Variants in BANP observed in about 807,000 individuals in gnomAD.
The protein encoded by BANP is BTG3 associated nuclear protein.
Under a neutral mutation model 68.1 loss-of-function variants are expected in BANP, and 11 were observed. The observed-to-expected ratio is 0.16, with a 90% CI of 0.10 to 0.27. The LOEUF is 0.27. Among genes scored for constraint, BANP ranks in the 10% least tolerant of loss-of-function variants. BANP has a pLI of 1.00. For missense variants in BANP, 504 were observed against 722.7 expected (o/e 0.70, Z 3.47); for synonymous variants, 329 against 303.2 (o/e 1.09, Z -0.88).
At chr16:88,060,540 G>A (rs143455539) in intron 11 of BANP, among the ~76,000 whole-genome samples, 5 of 152,338 alleles carry the variant, frequency 3.3e-5, no homozygotes, top group East Asian at 1.9e-4. Context: ...GGATTCAAAC[G>A]TATTTTTTGT....
rs544280128 is a variant in BANP, at chr16:87,993,293, C to T, written c.362+9034C>T. On this transcript the variant is annotated intron_variant, in intron 4 of 13. Coordinates refer to ENST00000682872, the MANE Select transcript of BANP (RefSeq NM_001386991.1). ...GAAGGAAGCTGCTATGCCCATCACCCAGTTAAGGAGTGGGGAGTTGTGTGC... is the reference window on the plus strand; with the variant it reads ...GAAGGAAGCTGCTATGCCCATCACCTAGTTAAGGAGTGGGGAGTTGTGTGC... Among the ~76,000 whole-genome samples the T allele has an allele frequency of 3.3e-5, 5 of 152,344 alleles. No individual in the cohort carries two copies. In the East Asian group the frequency reaches 7.7e-4, roughly 23 times the overall value.
At chr16:88,058,730 A>G in intron 11 of BANP, among the ~76,000 whole-genome samples, 1 of 83,484 alleles carries the variant, frequency 1.2e-5, no homozygotes, top group Admixed American at 1.2e-4. Context: ...TGTAATTAAG[A>G]AGCAACTCGG....
intron 13 of BANP, among the ~76,000 whole-genome samples, chr16:88,074,345 G>A (rs1289237390): frequency 1.3e-5 from 2 of 152,204 alleles, no homozygotes; most frequent in Non-Finnish European, 2.9e-5. Flanking sequence ...GTTCCCTTAG[G>A]AGGGAAGGCA....
chr16:87,998,963 C>T (rs1217464347), intron 4 of BANP, among the ~76,000 whole-genome samples: 1 of 17,012 alleles, frequency 5.9e-5, no homozygotes, highest in African/African-American at 2.1e-4. Flanking sequence ...CTTCCAGACA[C>T]GTCTCTATGC....
At chr16:88,050,221 A>T (rs1027035506) in intron 11 of BANP, among the ~76,000 whole-genome samples, 1 of 151,982 alleles carries the variant, frequency 6.6e-6, no homozygotes, top group Non-Finnish European at 1.5e-5. Flanking sequence ...CAGTGGTGTG[A>T]TCTTGGCTTA....
At chr16:88,051,337 G>A (rs566305010) in intron 11 of BANP, among the ~76,000 whole-genome samples, 94 of 152,360 alleles carry the variant, frequency 6.2e-4, no homozygotes, top group Admixed American at 2.7e-3. Flanking sequence ...GGTGGGGTAC[G>A]GCACCTTTCA....
chr16:88,065,730 C>T (rs1267440220), intron 12 of BANP, among the ~76,000 whole-genome samples: 1 of 152,146 alleles, frequency 6.6e-6, no homozygotes, highest in East Asian at 1.9e-4. Context: ...GAGCAGGGAC[C>T]GGCTCTGCTT....
At chr16:87,961,677 G>A (rs113746164) in intron 1 of BANP, among the ~76,000 whole-genome samples, 1 of 152,170 alleles carries the variant, frequency 6.6e-6, no homozygotes, top group Non-Finnish European at 1.5e-5. Flanking sequence ...TATGTACCAT[G>A]AATGTTTGTC....
At chr16:87,990,028 T>G (rs1239079303) in intron 4 of BANP, among the ~76,000 whole-genome samples, 1 of 152,252 alleles carries the variant, frequency 6.6e-6, no homozygotes, top group Non-Finnish European at 1.5e-5. Context: ...AGCACACCTG[T>G]GGAGTTGGCT....
chr16:88,073,395 G>A (rs1238128605), intron 13 of BANP, among the ~76,000 whole-genome samples: 3 of 151,934 alleles, frequency 2.0e-5, no homozygotes, highest in Non-Finnish European at 4.4e-5. Flanking sequence ...GGCCCCTGCA[G>A]AGGCACGCCC....
chr16:88,027,432 G>C (rs562039542), intron 7 of BANP, 51 bp from the exon 8 acceptor site: 6 of 1,605,622 alleles, frequency 3.7e-6, no homozygotes, highest in Non-Finnish European at 5.1e-6. Flanking sequence ...GCAGCTCCTG[G>C]TGGCTGTCCC....
At chr16:88,062,102 C>G (rs1034618203) in intron 11 of BANP, among the ~76,000 whole-genome samples, 1 of 152,202 alleles carries the variant, frequency 6.6e-6, no homozygotes. Context: ...GACTTCTTGG[C>G]TTTTCCAGCA....
chr16:88,031,752 T>TA (rs926665306), intron 8 of BANP, among the ~76,000 whole-genome samples: 12 of 152,062 alleles, frequency 7.9e-5, no homozygotes, highest in Non-Finnish European at 7.4e-5. Context: ...TAGCTATTGG[T>TA]AAAAAATACA....
In BANP at chr16:88,033,518, G is replaced by A. The variant is rs537257715; in HGVS notation, c.1200+273G>A. ...ACCTCAGTCCTGCCAGCAGGCAGGCGGGCAGTCAGCTCCAAGGGTCAGGCC... is the reference window on the plus strand; with the variant it reads ...ACCTCAGTCCTGCCAGCAGGCAGGCAGGCAGTCAGCTCCAAGGGTCAGGCC... On this transcript the variant is annotated intron_variant, in intron 9 of 13. Transcript: ENST00000682872. Among the ~76,000 whole-genome samples, 8 of 152,212 alleles carry A rather than the reference G, an allele frequency of 5.3e-5. No individual in the cohort carries two copies. In the South Asian group the frequency reaches 1.0e-3, roughly 20 times the overall value.
At chr16:87,982,212 G>A (rs984497246) in intron 3 of BANP, among the ~76,000 whole-genome samples, 2 of 152,196 alleles carry the variant, frequency 1.3e-5, no homozygotes, top group Non-Finnish European at 2.9e-5. Context: ...GAACAGAAAT[G>A]TATAAAGTGG....
In BANP at chr16:87,958,007, AG is replaced by A. The variant is rs1434146592; in HGVS notation, c.-69+6493del. The stretch of plus-strand genomic sequence containing the variant: ...CGAAATGCGTCCCTGAGATTGAGAA[AG>A]TTCACACCCTAAGTGTTTTTAGAAG... On this transcript the variant is annotated intron_variant, in intron 1 of 13. Transcript: ENST00000682872. Among the ~76,000 whole-genome samples, 3 of 152,130 alleles carry A rather than the reference AG, an allele frequency of 2.0e-5. No individual in the cohort carries two copies. The East Asian group carries it at 5.8e-4, about 29-fold the overall frequency.
rs1374886387 is a variant in BANP, at chr16:88,057,113, C to T, written c.1312-8154C>T. Reference sequence around the variant, plus strand: ...GAGTTTTGGTGATTCTTTGGGTGTTCTGAGACTTTTCTGTTGCCGTTGTTG... The same window carrying T: ...GAGTTTTGGTGATTCTTTGGGTGTTTTGAGACTTTTCTGTTGCCGTTGTTG... On this transcript the variant is annotated intron_variant, in intron 11 of 13. Coordinates refer to ENST00000682872, the MANE Select transcript of BANP (RefSeq NM_001386991.1). The surrounding 1 kb of genome is among the most constrained non-coding windows in gnomAD (Gnocchi z 4.6). Among the ~76,000 whole-genome samples, 1 of 152,126 alleles carries T rather than the reference C, an allele frequency of 6.6e-6. No homozygotes were observed. The highest frequency in any genetic ancestry group is 1.5e-5 in the Non-Finnish European group (1 of 68,032).
intron 1 of BANP, 102 bp from the exon 2 acceptor site, chr16:87,974,946 G>C (rs918218614): frequency 3.3e-6 from 2 of 601,074 alleles, no homozygotes; most frequent in African/African-American, 3.7e-5. Flanking sequence ...CTCCACAGAC[G>C]TTCGCGGCCT....
At chr16:87,973,817 A>G (rs969950698) in intron 1 of BANP, among the ~76,000 whole-genome samples, 4 of 152,068 alleles carry the variant, frequency 2.6e-5, no homozygotes, top group Non-Finnish European at 5.9e-5. Flanking sequence ...AAGCTGTAAA[A>G]TTTAAATCTA....
Sources: allele counts gnomAD v4.1 joint callset (sites outside exome capture counted in the v4.1 genomes callset), GRCh38; gene constraint gnomAD v4.1.1; non-coding constraint Gnocchi (gnomAD v3.1); transcripts MANE v1.5; gene names NCBI Gene and HGNC (gene_info 2026-07-23, HGNC 2026-07-21).